Variants in TSPAN5 observed in about 807,000 individuals in gnomAD.
TSPAN5 encodes the protein tetraspanin 5, also known as tetraspanin-5.
A neutral mutation model predicts 37.1 loss-of-function variants in TSPAN5; 10 were observed. The ratio of observed to expected loss-of-function variants is 0.27; its 90% confidence interval spans 0.17 to 0.46. TSPAN5 has a LOEUF of 0.46. Among genes scored for constraint, TSPAN5 ranks in the 20% least tolerant of loss-of-function variants. The pLI is 1.00. For synonymous variants in TSPAN5, 110 were observed against 118.9 expected (o/e 0.93, Z 0.48); for missense variants, 195 against 326.6 (o/e 0.60, Z 3.11).
chr4:98,567,789 T>C (rs1329739512), intron 1 of TSPAN5, among the ~76,000 whole-genome samples: 1 of 152,014 alleles, frequency 6.6e-6, no homozygotes, highest in East Asian at 1.9e-4. Context: ...CGAGTTCAGT[T>C]AGTTGTTGGC....
chr4:98,522,661 G>T (rs1337675914), intron 1 of TSPAN5, among the ~76,000 whole-genome samples: 1 of 152,208 alleles, frequency 6.6e-6, no homozygotes, highest in Non-Finnish European at 1.5e-5. Context: ...TCATGTGAAA[G>T]AAGGCACAGA....
intron 1 of TSPAN5, among the ~76,000 whole-genome samples, chr4:98,616,692 A>G (rs973535915): frequency 6.6e-6 from 1 of 151,972 alleles, no homozygotes; most frequent in Admixed American, 6.6e-5. Context: ...ATAATTCGAC[A>G]CCATGCTTTT....
chr4:98,625,841 GAA>G (rs11330260), intron 1 of TSPAN5, among the ~76,000 whole-genome samples: 27 of 148,870 alleles, frequency 1.8e-4, no homozygotes, highest in African/African-American at 6.6e-4. Context: ...TCTTCTCTTG[GAA>G]AAAAAAAAAT....
intron 1 of TSPAN5, among the ~76,000 whole-genome samples, chr4:98,590,737 A>G (rs1213038812): frequency 4.0e-5 from 6 of 151,588 alleles, no homozygotes; most frequent in Admixed American, 3.9e-4. Context: ...AGAGAGAGAG[A>G]TGAATTAACT....
chr4:98,638,086 C>T (rs1346662178), intron 1 of TSPAN5, among the ~76,000 whole-genome samples: 1 of 152,150 alleles, frequency 6.6e-6, no homozygotes, highest in Non-Finnish European at 1.5e-5. Flanking sequence ...TGTCTGACCA[C>T]CCTTGCGCCT....
At chr4:98,553,328 AAG>A (rs1754664144) in intron 1 of TSPAN5, among the ~76,000 whole-genome samples, 1 of 152,228 alleles carries the variant, frequency 6.6e-6, no homozygotes, top group Admixed American at 6.5e-5. Flanking sequence ...TTGCATCTTA[AAG>A]GAAATGAAAA....
At chr4:98,599,339 G>C (rs1162905226) in intron 1 of TSPAN5, among the ~76,000 whole-genome samples, 2 of 151,984 alleles carry the variant, frequency 1.3e-5, no homozygotes, top group Non-Finnish European at 2.9e-5. Context: ...TTCAAACTTG[G>C]AAAGTCAAAT....
At chr4:98,604,270 T>G (rs191207483) in intron 1 of TSPAN5, among the ~76,000 whole-genome samples, 17 of 152,284 alleles carry the variant, frequency 1.1e-4, no homozygotes, top group Middle Eastern at 3.4e-3. Context: ...GTTCTATTCT[T>G]TACACCAAAC....
At chr4:98,525,761 G>T (rs1362965933) in intron 1 of TSPAN5, among the ~76,000 whole-genome samples, 1 of 152,098 alleles carries the variant, frequency 6.6e-6, no homozygotes, top group Non-Finnish European at 1.5e-5. Flanking sequence ...TTTGTGACCA[G>T]AAATATGTCC....
intron 1 of TSPAN5, among the ~76,000 whole-genome samples, chr4:98,523,108 T>C (rs1753890332): frequency 6.6e-6 from 1 of 152,236 alleles, no homozygotes; most frequent in Non-Finnish European, 1.5e-5. Flanking sequence ...AATTTACATA[T>C]AAGACAAACT....
intron 1 of TSPAN5, among the ~76,000 whole-genome samples, chr4:98,607,040 C>G (rs115896619): frequency 6.6e-6 from 1 of 151,996 alleles, no homozygotes. Context: ...AGGGAGCAGC[C>G]GGGGGACCTG....
At chr4:98,604,399 T>TC (rs751794477) in intron 1 of TSPAN5, among the ~76,000 whole-genome samples, 1 of 152,228 alleles carries the variant, frequency 6.6e-6, no homozygotes, top group Admixed American at 6.5e-5. Context: ...TTCTAACATC[T>TC]CGTCATCAAA....
intron 1 of TSPAN5, among the ~76,000 whole-genome samples, chr4:98,540,730 G>A (rs1002234224): frequency 6.6e-6 from 1 of 152,158 alleles, no homozygotes; most frequent in Non-Finnish European, 1.5e-5. Flanking sequence ...CAGGGATAAT[G>A]GGGAGTTGAA....
chr4:98,617,078 C>G (rs1018841335), intron 1 of TSPAN5, among the ~76,000 whole-genome samples: 1 of 152,052 alleles, frequency 6.6e-6, no homozygotes, highest in African/African-American at 2.4e-5. Flanking sequence ...CCTGCCTTGG[C>G]CTCCCAAAAT....
chr4:98,618,286 AACAAAG>A (rs1756392371), intron 1 of TSPAN5, among the ~76,000 whole-genome samples: 3 of 152,200 alleles, frequency 2.0e-5, no homozygotes, highest in Admixed American at 1.3e-4. Flanking sequence ...ACCAGTATAA[AACAAAG>A]ACAAAGTAGG....
At chr4:98,570,960 C>T (rs776367322) in intron 1 of TSPAN5, among the ~76,000 whole-genome samples, 5 of 151,086 alleles carry the variant, frequency 3.3e-5, no homozygotes, top group African/African-American at 9.7e-5. Flanking sequence ...TGCAGCGAGC[C>T]GAGATCGCGC....
At position 98,533,415 on chromosome 4, in the gene TSPAN5, G is replaced by C. The variant is rs189062210; in HGVS notation, c.82-25687C>G. ...CAACTTCTTCCTGGTTTAGACTTGT[G>C]GGGGGTGTTATGTGTCCAGGATTTA... On this transcript the variant is annotated intron_variant, in intron 1 of 7. Coordinates refer to ENST00000305798, the MANE Select transcript of TSPAN5 (RefSeq NM_005723.4). Among the ~76,000 whole-genome samples the C allele has an allele frequency of 2.0e-4, 30 of 151,894 alleles. No homozygotes were observed. In the East Asian group the frequency reaches 5.6e-3, roughly 28 times the overall value.
intron 1 of TSPAN5, among the ~76,000 whole-genome samples, chr4:98,618,667 G>A (rs1474130169): frequency 1.3e-5 from 2 of 152,154 alleles, no homozygotes; most frequent in Non-Finnish European, 2.9e-5. Flanking sequence ...TCAAACCTAG[G>A]TCCACGGGAC....
At chr4:98,630,968 T>G (rs966314157) in intron 1 of TSPAN5, among the ~76,000 whole-genome samples, 1 of 152,156 alleles carries the variant, frequency 6.6e-6, no homozygotes, top group Non-Finnish European at 1.5e-5. Context: ...GAAACTGCCA[T>G]CTGGAAGGCT....
Sources: allele counts gnomAD v4.1 joint callset (sites outside exome capture counted in the v4.1 genomes callset), GRCh38; gene constraint gnomAD v4.1.1; transcripts MANE v1.5; gene names NCBI Gene and HGNC (gene_info 2026-07-23, HGNC 2026-07-21).